The following TLL2 variants were observed in gnomAD, a reference collection of about 807,000 sequenced individuals.
TLL2 encodes tolloid like 2.
A neutral mutation model predicts 123.0 loss-of-function variants in TLL2; 106 were observed. The observed-to-expected ratio is 0.86, with a 90% CI of 0.74 to 1.01. The LOEUF is 1.01. Ranked by LOEUF, TLL2 falls within the 50% of genes least tolerant of loss-of-function variation. TLL2 has a pLI of 0.00. For missense variants in TLL2, 1,332 were observed against 1,336.7 expected (o/e 1.00, Z 0.06); for synonymous variants, 494 against 516.8 (o/e 0.96, Z 0.60).
intron 2 of TLL2, among the ~76,000 whole-genome samples, chr10:96,460,183 C>T (rs1847066626): frequency 6.6e-6 from 1 of 152,170 alleles, no homozygotes; most frequent in Non-Finnish European, 1.5e-5. Context: ...TAAATGATTA[C>T]TATCCATATT....
intron 3 of TLL2, among the ~76,000 whole-genome samples, chr10:96,437,151 T>C (rs1247461435): frequency 6.6e-6 from 1 of 152,222 alleles, no homozygotes; most frequent in East Asian, 1.9e-4. Flanking sequence ...AGCTTTGCAA[T>C]TATCATAATA....
rs575657747 is a variant in TLL2, at chr10:96,396,584, T to C, written c.1385-564A>G. On this transcript the variant is annotated intron_variant, in intron 11 of 20. Transcript: ENST00000357947. ...TTTTCTGGTAGTTTTCCCCTTTCTT[T>C]TTTTTTTTTTTTTTTTGGTAGAGGG... 3.8e-4 allele frequency among the ~76,000 whole-genome samples: 56 copies of C among 148,480 alleles called. No individual in the cohort carries two copies. The East Asian group carries it at 0.011, about 29-fold the overall frequency.
intron 2 of TLL2, among the ~76,000 whole-genome samples, chr10:96,469,272 T>A (rs1265234162): frequency 6.6e-6 from 1 of 152,256 alleles, no homozygotes; most frequent in Non-Finnish European, 1.5e-5. Context: ...TATTGACTTG[T>A]GGATTTCTGT....
In TLL2 at chr10:96,396,028, AAG is replaced by A. The variant is rs769971033; in HGVS notation, c.1385-10_1385-9del. ...TGTCTCCCCCGCAGGTAGCTTTAGA[AAG>A]AGACATCAGGAGAGGAAGACGGGGG... is the stretch of plus-strand genomic sequence containing the variant. On this transcript the variant is annotated splice_polypyrimidine_tract_variant and intron_variant, in intron 11 of 20. Transcript: ENST00000357947. The A allele has an allele frequency of 3.1e-6, 5 of 1,613,920 alleles. No homozygotes were observed. In the South Asian group the frequency reaches 4.4e-5, roughly 14 times the overall value.
chr10:96,371,316 G>A (rs753196710), intron 19 of TLL2, among the ~76,000 whole-genome samples: 8 of 139,510 alleles, frequency 5.7e-5, no homozygotes, highest in Non-Finnish European at 9.4e-5. Context: ...GCAAAACTCC[G>A]TATCAAAAAA....
At chr10:96,472,407 G>C (rs1356776417) in intron 2 of TLL2, among the ~76,000 whole-genome samples, 2 of 152,176 alleles carry the variant, frequency 1.3e-5, no homozygotes, top group Non-Finnish European at 2.9e-5. Flanking sequence ...AAAGCTTGGG[G>C]AATGTCTGCA....
intron 13 of TLL2, among the ~76,000 whole-genome samples, chr10:96,387,935 AAGAG>A (rs1310649927): frequency 6.6e-6 from 1 of 152,198 alleles, no homozygotes; most frequent in African/African-American, 2.4e-5. Context: ...CTAGCCCTGA[AAGAG>A]AGCATGTGGG....
At chr10:96,405,679 G>A (rs1050591669) in intron 9 of TLL2, among the ~76,000 whole-genome samples, 1 of 152,158 alleles carries the variant, frequency 6.6e-6, no homozygotes, top group Non-Finnish European at 1.5e-5. Context: ...AGGGGTCAGC[G>A]AAGTTCAGAG....
intron 5 of TLL2, among the ~76,000 whole-genome samples, chr10:96,426,109 T>C (rs1846675284): frequency 6.6e-6 from 1 of 152,128 alleles, no homozygotes; most frequent in African/African-American, 2.4e-5. Flanking sequence ...TGTTGTATTG[T>C]ACAGGTGCCT....
At position 96,367,513 on chromosome 10, in the gene TLL2, C is replaced by T. The variant is rs935587233; in HGVS notation, c.*575G>A. Reference sequence around the variant, plus strand: ...ACTTCATGACAATGATTCTTATACTCGAAACTCCCTCTGTGCTCACTGCTC... The same window carrying T: ...ACTTCATGACAATGATTCTTATACTTGAAACTCCCTCTGTGCTCACTGCTC... On this transcript the variant is annotated 3_prime_UTR_variant, in exon 21 of 21. Transcript: ENST00000357947. 8 of 152,816 alleles carry T rather than the reference C, an allele frequency of 5.2e-5. No individual in the cohort carries two copies. Among genetic ancestry groups the T allele is most frequent in the East Asian group, 1.9e-4 (1 of 5,196 alleles). 9.5% of individuals were successfully genotyped at this position (152,816 alleles called of 1,614,324 possible). A position where few individuals can be genotyped will look rare whatever the true frequency, so the allele number is the denominator to read the frequency against.
intron 20 of TLL2, among the ~76,000 whole-genome samples, chr10:96,368,459 A>G (rs542032143): frequency 6.6e-6 from 1 of 152,326 alleles, no homozygotes; most frequent in African/African-American, 2.4e-5. Context: ...TATAGAATCT[A>G]TTATTTATTA....
At chr10:96,444,468 G>A (rs1846876854) in intron 3 of TLL2, among the ~76,000 whole-genome samples, 1 of 152,186 alleles carries the variant, frequency 6.6e-6, no homozygotes, top group South Asian at 2.1e-4. Flanking sequence ...AAAGCATGAT[G>A]CAGAAAAAAT....
At chr10:96,373,534 C>G in intron 19 of TLL2, 62 bp downstream of exon 19, 1 of 1,521,696 alleles carries the variant, frequency 6.6e-7, no homozygotes, top group Non-Finnish European at 9.1e-7. Flanking sequence ...CGTGCCTTCA[C>G]CATTTCTCTG....
In TLL2 at chr10:96,467,218, C is replaced by A. The variant is rs1381639291; in HGVS notation, c.286+13131G>T. The stretch of plus-strand genomic sequence containing the variant: ...GGGGGAGGTATTTTTTTAGAAACAG[C>A]ATCTTGCTTTGTCACCCAGGCTGCA... On this transcript the variant is annotated intron_variant, in intron 2 of 20. Transcript: ENST00000357947. 2.6e-5 allele frequency among the ~76,000 whole-genome samples: 4 copies of A among 152,208 alleles called. No individual in the cohort carries two copies. The East Asian group carries it at 7.7e-4, about 29-fold the overall frequency.
chr10:96,474,619 A>G (rs1398130832), intron 2 of TLL2, among the ~76,000 whole-genome samples: 3 of 152,208 alleles, frequency 2.0e-5, no homozygotes, highest in African/African-American at 7.2e-5. Context: ...CAGGTTGTGG[A>G]CATAGCATGA....
intron 2 of TLL2, among the ~76,000 whole-genome samples, chr10:96,478,459 T>C (rs995319357): frequency 2.0e-5 from 3 of 152,210 alleles, no homozygotes; most frequent in African/African-American, 7.2e-5. Context: ...GTGTGCCCTA[T>C]GACCCAGCAC....
At chr10:96,484,428 CACAT>C (rs1203420036) in intron 1 of TLL2, among the ~76,000 whole-genome samples, 1 of 152,086 alleles carries the variant, frequency 6.6e-6, no homozygotes, top group African/African-American at 2.4e-5. Flanking sequence ...TAATGATTGA[CACAT>C]ACAGCCTTTG....
chr10:96,373,502 C>T lies in TLL2; in HGVS notation c.2662+94G>A, dbSNP rs1451036661. ...CTTCCTCCCCTCGCCCTCCCCCAGT[C>T]AGAATAAAAGGCAGTCCTTGTCGTG... On this transcript the variant is annotated intron_variant, in intron 19 of 20. Coordinates refer to ENST00000357947, the MANE Select transcript of TLL2 (RefSeq NM_012465.4). The T allele has an allele frequency of 3.6e-5, 44 of 1,227,448 alleles. No homozygotes were observed. The East Asian group carries it at 9.4e-4, about 26-fold the overall frequency. The allele number at this position is 1,227,448 out of a possible 1,614,324, so 76.0% of individuals were successfully genotyped here.
At chr10:96,387,363 C>T (rs1403469075) in intron 13 of TLL2, among the ~76,000 whole-genome samples, 6 of 152,162 alleles carry the variant, frequency 3.9e-5, no homozygotes. Flanking sequence ...GTTTGGTCAT[C>T]GGTCATTTGA....
Sources: gnomAD v4.1 joint callset for allele counts (sites outside exome capture counted in the v4.1 genomes callset) on GRCh38, gnomAD v4.1.1 for gene constraint, MANE v1.5 for transcripts, NCBI Gene and HGNC (gene_info 2026-07-23, HGNC 2026-07-21) for gene names.